The following SPOCD1 variants were observed in gnomAD, a reference collection of about 807,000 sequenced individuals.
The protein encoded by SPOCD1 is SPOC domain containing 1, also known as SPOC domain-containing protein 1.
Under a neutral mutation model 92.2 loss-of-function variants are expected in SPOCD1, and 64 were observed. That is an observed-to-expected ratio of 0.69 (90% confidence interval 0.57 to 0.86). The LOEUF (loss-of-function observed/expected upper bound fraction) is 0.86. Among genes scored for constraint, SPOCD1 ranks in the 40% least tolerant of loss-of-function variants. SPOCD1 has a pLI of 0.00. For synonymous variants in SPOCD1, 578 were observed against 619.3 expected (o/e 0.93, Z 0.99); for missense variants, 1,360 against 1,543.1 (o/e 0.88, Z 1.99).
rs940436084 is a variant in SPOCD1, at chr1:31,790,445, T to C, written c.*158A>G. 3.2e-5 allele frequency: 23 copies of C among 723,246 alleles called. No homozygotes were observed. The highest frequency in any genetic ancestry group is 1.8e-4 in the Admixed American group (6 of 33,516). 44.8% of individuals were successfully genotyped at this position (723,246 alleles called of 1,614,324 possible). A position where few individuals can be genotyped will look rare whatever the true frequency, so the allele number is the denominator to read the frequency against. On this transcript the variant is annotated 3_prime_UTR_variant, in exon 16 of 16. Transcript: ENST00000360482. ...AATCCCAATTTTACCAAATTCTTTA[T>C]TGAACAAAAAATCAACAGCAAACAT...
At chr1:31,809,888 C>A (rs1450878458) in intron 2 of SPOCD1, among the ~76,000 whole-genome samples, 1 of 152,286 alleles carries the variant, frequency 6.6e-6, no homozygotes, top group African/African-American at 2.4e-5. Context: ...TCCATTCAAG[C>A]TGGCCTCTCC....
intron 2 of SPOCD1, among the ~76,000 whole-genome samples, chr1:31,807,317 A>C (rs1432094315): frequency 7.8e-6 from 1 of 128,048 alleles, no homozygotes; most frequent in Non-Finnish European, 1.6e-5. Flanking sequence ...TGAAGCTGGG[A>C]GGTGGAGGCT....
Position 31,793,282 on chromosome 1 carries a change from A to G in SPOCD1, c.2681T>C (p.Val894Ala), listed in dbSNP as rs771978746. The part of the protein sequence containing the change: ...QLVSGHSCRL[V>A]QALPTVIRSA... Reference sequence around the variant, plus strand: ...TGGCGAGGAGGGCAGGTGCACCTGGACAAGCCGACAGCTGTGTCCCGAGAC... The same window carrying G: ...TGGCGAGGAGGGCAGGTGCACCTGGGCAAGCCGACAGCTGTGTCCCGAGAC... The change falls in exon 13 of 16, where the codon GTC (valine) becomes GCC (alanine). Residue 894 changes from valine to alanine, a missense_variant. By Grantham distance (64) the Val-to-Ala change is moderately conservative (BLOSUM62 0). This residue lies in a region of SPOCD1 where 614 missense variants were observed against 757.8 expected (regional missense o/e 0.81). Coordinates refer to ENST00000360482, the MANE Select transcript of SPOCD1 (RefSeq NM_144569.7). The G allele has an allele frequency of 9.4e-6, 15 of 1,589,658 alleles. No individual in the cohort carries two copies. The South Asian group carries it at 1.6e-4, about 17-fold the overall frequency.
chr1:31,793,201 TGAAA>T (rs772252537), intron 13 of SPOCD1, 73 bp downstream of exon 13: 1 of 1,456,942 alleles, frequency 6.9e-7, no homozygotes, highest in Non-Finnish European at 9.2e-7. Flanking sequence ...AATGCATGAG[TGAAA>T]GAGAGAGAGA....
intron 6 of SPOCD1, 103 bp downstream of exon 6, chr1:31,799,706 G>A (rs1181472045): frequency 7.1e-7 from 1 of 1,415,650 alleles, no homozygotes; most frequent in Non-Finnish European, 9.9e-7. Context: ...GATGTGGGGA[G>A]AGAAGAATCA....
Position 31,793,289 on chromosome 1 carries a change from G to A in SPOCD1, c.2674C>T (p.Arg892Trp), listed in dbSNP as rs1392509887. The A allele has an allele frequency of 1.3e-6, 2 of 1,593,666 alleles. No homozygotes were observed. Among genetic ancestry groups the A allele is most frequent in the Non-Finnish European group, 1.7e-6 (2 of 1,170,362 alleles). Residue 892 changes from arginine to tryptophan, a missense_variant, in exon 13 of 16, where the codon CGG becomes TGG. By Grantham distance (101) the Arg-to-Trp change is moderately radical. Around this residue, in one of 3 missense-constraint regions of SPOCD1, gnomAD observed 614 missense variants for 757.8 expected, o/e 0.81. Coordinates refer to ENST00000360482, the MANE Select transcript of SPOCD1 (RefSeq NM_144569.7). ...RAQLVSGHSCRLVQALPTVIR... is the reference protein window; with the variant it reads ...RAQLVSGHSCWLVQALPTVIR... ...GAGGGCAGGTGCACCTGGACAAGCC[G>A]ACAGCTGTGTCCCGAGACCAGCTGG...
At chr1:31,800,199 T>A (rs1648348874) in intron 4 of SPOCD1, 58 bp from the exon 5 acceptor site, 6 of 1,527,158 alleles carry the variant, frequency 3.9e-6, no homozygotes, top group Non-Finnish European at 4.4e-6. Context: ...GACTGTTCCC[T>A]CCCCAGATGT....
In SPOCD1 at chr1:31,793,716, G is replaced by A. The variant is rs111393971; in HGVS notation, c.2534+31C>T. On this transcript the variant is annotated intron_variant, in intron 12 of 15. Coordinates refer to ENST00000360482, the MANE Select transcript of SPOCD1 (RefSeq NM_144569.7). ...GTGGCCTCCCCCTCAACCCTGCTGG[G>A]TTATCCACCTCCCTGCTCCCAACCC... is the stretch of plus-strand genomic sequence containing the variant. 4.2e-3 allele frequency: 6,805 copies of A among 1,613,352 alleles called. 17 individuals are homozygous for A. Among genetic ancestry groups the A allele is most frequent in the Non-Finnish European group, 5.1e-3 (6,015 of 1,180,020 alleles).
At chr1:31,812,134 T>C in intron 2 of SPOCD1, among the ~76,000 whole-genome samples, 1 of 152,172 alleles carries the variant, frequency 6.6e-6, no homozygotes, top group East Asian at 1.9e-4. Context: ...TGTCATCTCA[T>C]TTCATCCTCA....
intron 2 of SPOCD1, among the ~76,000 whole-genome samples, chr1:31,812,374 A>G (rs577979416): frequency 2.6e-5 from 4 of 152,314 alleles, no homozygotes; most frequent in East Asian, 3.9e-4. Context: ...TGCGACAAAT[A>G]CATCCATAGA....
intron 2 of SPOCD1, among the ~76,000 whole-genome samples, chr1:31,805,998 G>T (rs892440016): frequency 4.6e-5 from 7 of 151,624 alleles, no homozygotes; most frequent in African/African-American, 1.7e-4. Flanking sequence ...CAGATTTTAA[G>T]GCAAAAAATC....
intron 2 of SPOCD1, among the ~76,000 whole-genome samples, chr1:31,805,108 A>G (rs1395445814): frequency 6.7e-6 from 1 of 150,300 alleles, no homozygotes; most frequent in East Asian, 2.0e-4. Context: ...AGGCTTTCTG[A>G]GTAGCTGGGA....
chr1:31,801,113 T>C (rs1392982240), intron 3 of SPOCD1, among the ~76,000 whole-genome samples: 1 of 152,234 alleles, frequency 6.6e-6, no homozygotes, highest in Non-Finnish European at 1.5e-5. Context: ...TCTGTAAGGC[T>C]GCTGATCACT....
At chr1:31,803,185 A>C (rs1648577692) in intron 2 of SPOCD1, among the ~76,000 whole-genome samples, 3 of 152,164 alleles carry the variant, frequency 2.0e-5, no homozygotes, top group South Asian at 4.1e-4. Flanking sequence ...ACCAGAATAC[A>C]AACTATGTAT....
chr1:31,815,088 G>A lies in SPOCD1; in HGVS notation c.246C>T (p.Val82=). The A allele has an allele frequency of 6.2e-7, 1 of 1,613,686 alleles. No homozygotes were observed. The highest frequency in any genetic ancestry group is 8.5e-7 in the Non-Finnish European group (1 of 1,179,948). The change falls in exon 2 of 16, where the codon GTC becomes GTT. Residue 82 remains valine (V), a synonymous_variant. Coordinates refer to ENST00000360482, the MANE Select transcript of SPOCD1 (RefSeq NM_144569.7). ...TCTGTACCACAGCTAGCAGCTCCAA[G>A]ACCCCTGGCCGGACCTCAGCAGCAC... ...AAGAAEVRPG[V]LELLAVVQSR... is the part of the protein sequence containing the mutation.
intron 2 of SPOCD1, among the ~76,000 whole-genome samples, chr1:31,810,095 A>G (rs1473578448): frequency 6.6e-6 from 1 of 152,022 alleles, no homozygotes; most frequent in Admixed American, 6.6e-5. Context: ...TCCCCTCTGG[A>G]CATCCACAGT....
At chr1:31,801,565 G>T (rs1326521911) in intron 3 of SPOCD1, 99 bp downstream of exon 3, 5 of 1,078,274 alleles carry the variant, frequency 4.6e-6, no homozygotes, top group African/African-American at 1.6e-5. Flanking sequence ...CAGGCTGGGT[G>T]GGGGTAGGAT....
intron 6 of SPOCD1, 39 bp from the exon 7 acceptor site, chr1:31,799,524 AG>A (rs1302637120): frequency 6.4e-7 from 1 of 1,553,014 alleles, no homozygotes; most frequent in Non-Finnish European, 8.8e-7. Flanking sequence ...AGGGGTGCCC[AG>A]GGGAAAGGGG....
At position 31,814,806 on chromosome 1, in the gene SPOCD1, C is replaced by T; in HGVS notation, c.528G>A (p.Gly176=). 1 of 1,612,852 alleles carries T rather than the reference C, an allele frequency of 6.2e-7. No individual in the cohort carries two copies. The highest frequency in any genetic ancestry group is 8.5e-7 in the Non-Finnish European group (1 of 1,179,482). ...EARDGGMSSP[G]CDRRSPTLSK... ...TGAGTGTGGGGCTTCTTCTGTCACA[C>T]CCTGGAGAACTCATTCCACCGTCTC... Residue 176 remains glycine (G), a synonymous_variant, in exon 2 of 16, where the codon GGG becomes GGA. Transcript: ENST00000360482. This position sits in a 1 kb window ranked among gnomAD's most constrained non-coding sequence, Gnocchi z 4.2.
Sources: allele counts gnomAD v4.1 joint callset (sites outside exome capture counted in the v4.1 genomes callset), GRCh38; gene constraint gnomAD v4.1.1; regional missense constraint gnomAD v4.1.1; non-coding constraint Gnocchi (gnomAD v3.1); transcripts MANE v1.5; gene names NCBI Gene and HGNC (gene_info 2026-07-23, HGNC 2026-07-21).